Variants in RNF14 observed in about 807,000 individuals in gnomAD.
RNF14 encodes E3 ubiquitin-protein ligase RNF14.
Under a neutral mutation model 52.6 loss-of-function variants are expected in RNF14, and 26 were observed. That is an observed-to-expected ratio of 0.49 (90% CI 0.36 to 0.69). The LOEUF (loss-of-function observed/expected upper bound fraction) is 0.69. Among genes scored for constraint, RNF14 ranks in the 30% least tolerant of loss-of-function variants. The pLI is 0.00. For missense variants in RNF14, 404 were observed against 560.4 expected, an observed-to-expected ratio of 0.72 and a Z score of 2.82; for synonymous variants, 194 against 202.0, an observed-to-expected ratio of 0.96 and a Z score of 0.34.
At chr5:141,970,267 T>C (rs1753627896) in intron 1 of RNF14, among the ~76,000 whole-genome samples, 1 of 152,210 alleles carries the variant, frequency 6.6e-6, no homozygotes, top group African/African-American at 2.4e-5. Context: ...AGTATTTTTC[T>C]GTTACCAAAA....
upstream of RNF14, chr5:141,968,739 A>G (rs900654844): frequency 3.3e-5 from 5 of 152,240 alleles, no homozygotes; most frequent in African/African-American, 1.2e-4. Flanking sequence ...TCCACAGTGG[A>G]GTGCCAGAAA....
upstream of RNF14, chr5:141,955,006 A>G (rs1753148860): frequency 2.5e-6 from 4 of 1,614,076 alleles, no homozygotes; most frequent in Non-Finnish European, 3.4e-6. The surrounding 1 kb of genome is among the most constrained non-coding windows in gnomAD (Gnocchi z 5.5). Context: ...GAGCTCCTCC[A>G]CGGGGTTCCG....
In RNF14 at chr5:141,988,261, C is replaced by G. The variant is rs1362675638; in HGVS notation, c.*471C>G. 6.5e-6 allele frequency: 1 copy of G among 153,586 alleles called. No homozygotes were observed. The highest frequency in any genetic ancestry group is 1.9e-4 in the East Asian group (1 of 5,374). 9.5% of individuals were successfully genotyped at this position (153,586 alleles called of 1,614,324 possible). On this transcript the variant is annotated 3_prime_UTR_variant, in exon 9 of 9. Coordinates refer to ENST00000394520, the MANE Select transcript of RNF14 (RefSeq NM_004290.5). ...TACTGAGAACCTGATCTCGTTTACTCCATGTTAATCACATTCCTACCAACC... is the reference window on the plus strand; with the variant it reads ...TACTGAGAACCTGATCTCGTTTACTGCATGTTAATCACATTCCTACCAACC...
At chr5:141,958,774 A>T (rs1166892846) in intron 1 of RNF14, 6 of 152,378 alleles carry the variant, frequency 3.9e-5, no homozygotes, top group African/African-American at 1.4e-4. Flanking sequence ...TAGAGTGGGG[A>T]TGGGAGTAAG....
chr5:141,950,495 T>A, the RNF14 span, among the ~76,000 whole-genome samples: 1 of 152,158 alleles, frequency 6.6e-6, no homozygotes, highest in Admixed American at 6.5e-5. Flanking sequence ...ATTCAAACCT[T>A]CCACACCTGT....
intron 2 of RNF14, among the ~76,000 whole-genome samples, chr5:141,971,116 TTTTAATTGACTGGTAG>T (rs1450925399): frequency 6.6e-6 from 1 of 152,274 alleles, no homozygotes; most frequent in Non-Finnish European, 1.5e-5. Context: ...TAGTTCAATA[TTTTAATTGACTGGTAG>T]TTTTGTTTTA....
chr5:141,983,655 C>A, intron 7 of RNF14, 103 bp downstream of exon 7: 2 of 971,576 alleles, frequency 2.1e-6, no homozygotes, highest in Non-Finnish European at 3.0e-6. Flanking sequence ...AAAACACATG[C>A]TGGTATTATT....
upstream of RNF14, among the ~76,000 whole-genome samples, chr5:141,968,366 A>G (rs252135): frequency 0.88 from 133,849 of 152,146 alleles, 59,102 homozygotes; most frequent in East Asian, 0.98. Context: ...CGGCTTCCCA[A>G]AGTGCTAGGA....
At chr5:141,985,326 T>C (rs1465237362) in intron 8 of RNF14, among the ~76,000 whole-genome samples, 2 of 152,232 alleles carry the variant, frequency 1.3e-5, no homozygotes, top group Non-Finnish European at 2.9e-5. Context: ...GATAAGGAAA[T>C]GCTTCTACAT....
upstream of RNF14, chr5:141,956,118 G>C (rs771597135): frequency 2.5e-5 from 40 of 1,614,036 alleles, no homozygotes; most frequent in Middle Eastern, 1.6e-4. Flanking sequence ...TCACAAGCAC[G>C]GAGAGGCTGG....
rs371788469 is a variant in RNF14, at chr5:141,990,033, ATTTG to A, written c.*2248_*2251del. Reference sequence around the variant, plus strand: ...AGGTATTTGGTGTTTAGTCTCAAAAATTTGTTTGGTCACCTTAGTGATTCTTAGG... The same window carrying A: ...AGGTATTTGGTGTTTAGTCTCAAAAATTTGGTCACCTTAGTGATTCTTAGG... On this transcript the variant is annotated 3_prime_UTR_variant, in exon 9 of 9. Transcript: ENST00000394520. The A allele has an allele frequency of 9.9e-5, 15 of 152,186 alleles. No homozygotes were observed. Among genetic ancestry groups the A allele is most frequent in the Non-Finnish European group, 2.1e-4 (14 of 68,032 alleles). 9.4% of individuals were successfully genotyped at this position (152,186 alleles called of 1,614,324 possible). A position where few individuals can be genotyped will look rare whatever the true frequency, so the allele number is the denominator to read the frequency against.
chr5:141,957,581 G>A (rs61737136), upstream of RNF14: 85 of 1,614,014 alleles, frequency 5.3e-5, no homozygotes, highest in African/African-American at 8.0e-5. The surrounding 1 kb of genome is among the most constrained non-coding windows in gnomAD (Gnocchi z 4.3). Flanking sequence ...CGATCCAGCC[G>A]CCTGCCTGTG....
upstream of RNF14, among the ~76,000 whole-genome samples, chr5:141,954,134 C>A (rs1331325102): frequency 1.3e-5 from 2 of 152,052 alleles, no homozygotes; most frequent in Admixed American, 6.5e-5. Context: ...AAATGAGGCT[C>A]AGATGTTGAA....
chr5:141,987,945 C>T lies in RNF14; in HGVS notation c.*155C>T. On this transcript the variant is annotated 3_prime_UTR_variant, in exon 9 of 9. Transcript: ENST00000394520. ...AGGTTTATATTTTCATGTGGTACTACTGAAGAAGGTGCATTGATACATTTT... is the reference window on the plus strand; with the variant it reads ...AGGTTTATATTTTCATGTGGTACTATTGAAGAAGGTGCATTGATACATTTT... 3 of 664,776 alleles carry T rather than the reference C, an allele frequency of 4.5e-6. No individual in the cohort carries two copies. Among genetic ancestry groups the T allele is most frequent in the Non-Finnish European group, 7.8e-6 (3 of 385,050 alleles). The allele number at this position is 664,776 out of a possible 1,614,324, so 41.2% of individuals were successfully genotyped here.
chr5:141,967,125 C>T (rs899645582), upstream of RNF14, among the ~76,000 whole-genome samples: 1 of 152,164 alleles, frequency 6.6e-6, no homozygotes, highest in Non-Finnish European at 1.5e-5. Context: ...TTTCAAGGTT[C>T]TTTCTGTGGC....
At chr5:141,967,668 T>C (rs926459676), upstream of RNF14, among the ~76,000 whole-genome samples, 6 of 152,202 alleles carry the variant, frequency 3.9e-5, no homozygotes, top group African/African-American at 1.2e-4. Context: ...GTCTTAGCTC[T>C]GCAAGTTACT....
chr5:141,973,593 C>T lies in RNF14; in HGVS notation c.5C>T (p.Ser2Leu), dbSNP rs752856670. The change falls in exon 3 of 9, where the codon TCG (serine) becomes TTG (leucine). Residue 2 changes from serine to leucine, a missense_variant. Coordinates refer to ENST00000394520, the MANE Select transcript of RNF14 (RefSeq NM_004290.5). M[S>L]SEDREAQEDE... The stretch of plus-strand genomic sequence containing the variant: ...TTTTAATGTTTTCAGGTCCTTATGT[C>T]GTCAGAAGATCGAGAAGCTCAGGAG... 5 of 1,607,898 alleles carry T rather than the reference C, an allele frequency of 3.1e-6. No homozygotes were observed. The highest frequency in any genetic ancestry group is 1.3e-5 in the African/African-American group (1 of 74,380).
the RNF14 span, among the ~76,000 whole-genome samples, chr5:141,952,042 G>T: frequency 6.6e-6 from 1 of 152,224 alleles, no homozygotes; most frequent in African/African-American, 2.4e-5. Context: ...GCAAAATGGT[G>T]TCATTGAATT....
At chr5:141,980,947 C>G (rs1162026085) in intron 6 of RNF14, among the ~76,000 whole-genome samples, 1 of 152,200 alleles carries the variant, frequency 6.6e-6, no homozygotes, top group Non-Finnish European at 1.5e-5. Context: ...CTCAACATGG[C>G]ACTTCGGAAA....
Sources: gnomAD v4.1 joint callset for allele counts (sites outside exome capture counted in the v4.1 genomes callset) on GRCh38, gnomAD v4.1.1 for gene constraint, Gnocchi (gnomAD v3.1) non-coding constraint, MANE v1.5 for transcripts, NCBI Gene and HGNC (gene_info 2026-07-23, HGNC 2026-07-21) for gene names.